SLC2A14: variants seen among roughly 807,000 people sequenced by gnomAD.
The protein encoded by SLC2A14 is solute carrier family 2 member 14, also known as solute carrier family 2, facilitated glucose transporter member 14.
In SLC2A14, 13 loss-of-function variants were observed where a neutral mutation model predicts 43.0. That is an observed-to-expected ratio of 0.30 (90% CI 0.20 to 0.48). The LOEUF (loss-of-function observed/expected upper bound fraction) is 0.48, where lower values mean the gene tolerates loss of function less well. Ranked by LOEUF, SLC2A14 falls within the 20% of genes least tolerant of loss-of-function variation. The pLI, the probability that SLC2A14 is intolerant of heterozygous loss-of-function variation, is 0.99. For synonymous variants in SLC2A14, 190 were observed against 233.8 expected, an observed-to-expected ratio of 0.81 and a Z score of 1.71; for missense variants, 428 against 620.4, an observed-to-expected ratio of 0.69 and a Z score of 3.29.
At chr12:7,833,781 CAA>C (rs35210860) in intron 2 of SLC2A14, among the ~76,000 whole-genome samples, 5 of 105,966 alleles carry the variant, frequency 4.7e-5, no homozygotes, top group South Asian at 3.3e-4. Flanking sequence ...GACTCTGTCT[CAA>C]AAAAAAAAAA....
intron 2 of SLC2A14, among the ~76,000 whole-genome samples, chr12:7,841,233 G>C (rs1396755208): frequency 1.3e-5 from 2 of 152,072 alleles, no homozygotes; most frequent in African/African-American, 4.8e-5. Context: ...ATTTGCATTA[G>C]TGTGATACAT....
chr12:7,820,171 T>C (rs1303759897), intron 8 of SLC2A14, among the ~76,000 whole-genome samples: 1 of 122,390 alleles, frequency 8.2e-6, no homozygotes, highest in Non-Finnish European at 1.7e-5. Flanking sequence ...GTGCTAGGAG[T>C]GCACCCCAAC....
chr12:7,852,483 A>C (rs1867018935), intron 2 of SLC2A14, among the ~76,000 whole-genome samples: 1 of 152,152 alleles, frequency 6.6e-6, no homozygotes, highest in Non-Finnish European at 1.5e-5. Context: ...TATTTCAGTA[A>C]GTTTAAAACT....
At chr12:7,825,734 C>T (rs774646015) in intron 7 of SLC2A14, among the ~76,000 whole-genome samples, 1 of 135,054 alleles carries the variant, frequency 7.4e-6, no homozygotes, top group East Asian at 2.2e-4. Flanking sequence ...TGCACTCTAG[C>T]CTGGGTGACA....
intron 2 of SLC2A14, among the ~76,000 whole-genome samples, chr12:7,847,761 TG>T (rs1192203013): frequency 6.6e-6 from 1 of 151,990 alleles, no homozygotes; most frequent in African/African-American, 2.4e-5. Context: ...GAAAGCCAGC[TG>T]GTAGAGAGAA....
intron 3 of SLC2A14, among the ~76,000 whole-genome samples, chr12:7,832,224 C>T (rs1326844391): frequency 6.6e-6 from 1 of 152,250 alleles, no homozygotes; most frequent in Middle Eastern, 3.4e-3. Flanking sequence ...TGTTAACTCT[C>T]CCTGGAATAG....
intron 1 of SLC2A14, among the ~76,000 whole-genome samples, chr12:7,886,233 C>A (rs1271791105): frequency 7.2e-6 from 1 of 139,022 alleles, no homozygotes; most frequent in Non-Finnish European, 1.5e-5. Context: ...GCAATCATGG[C>A]TCACTGAAGC....
At chr12:7,858,732 C>G (rs1592271267) in intron 2 of SLC2A14, among the ~76,000 whole-genome samples, 1 of 152,124 alleles carries the variant, frequency 6.6e-6, no homozygotes, top group Non-Finnish European at 1.5e-5. Context: ...CTCCCAACCT[C>G]AGGTGATCTG....
chr12:7,882,899 AAAAG>A (rs1945612711), intron 1 of SLC2A14, among the ~76,000 whole-genome samples: 1 of 151,788 alleles, frequency 6.6e-6, no homozygotes, highest in Admixed American at 6.6e-5. Flanking sequence ...TTAAAAAAAA[AAAAG>A]GACTAAGACT....
intron 1 of SLC2A14, among the ~76,000 whole-genome samples, chr12:7,879,817 C>G (rs1945534426): frequency 6.6e-6 from 1 of 151,930 alleles, no homozygotes; most frequent in South Asian, 2.1e-4. Flanking sequence ...CCAGCCTGGC[C>G]AACATGGTGA....
At chr12:7,881,396 G>A (rs1218868508) in intron 1 of SLC2A14, among the ~76,000 whole-genome samples, 1 of 151,920 alleles carries the variant, frequency 6.6e-6, no homozygotes, top group East Asian at 1.9e-4. Context: ...GGCCCTGGTG[G>A]CCCCGGGCAA....
intron 3 of SLC2A14, among the ~76,000 whole-genome samples, 163 bp from the exon 4 acceptor site, chr12:7,831,927 G>A (rs1865067314): frequency 6.6e-6 from 1 of 152,190 alleles, no homozygotes; most frequent in Admixed American, 6.5e-5. Flanking sequence ...TGACCAACAT[G>A]GTGAAACCCC....
chr12:7,837,427 G>T (rs942865697), intron 2 of SLC2A14, among the ~76,000 whole-genome samples: 1 of 151,994 alleles, frequency 6.6e-6, no homozygotes. Context: ...ATCACCTGAA[G>T]TTGGGAGTTC....
chr12:7,874,959 TATAAA>T (rs1471620165), upstream of SLC2A14, among the ~76,000 whole-genome samples: 259 of 14,094 alleles, frequency 0.018, 2 homozygotes, highest in Middle Eastern at 0.25. Context: ...TATATTTATA[TATAAA>T]TTATATATAA....
At chr12:7,861,074 G>A (rs932938223) in intron 2 of SLC2A14, among the ~76,000 whole-genome samples, 1 of 152,102 alleles carries the variant, frequency 6.6e-6, no homozygotes, top group Non-Finnish European at 1.5e-5. Flanking sequence ...TTACAGGCGT[G>A]AGCCACCTCG....
chr12:7,866,410 G>T (rs1166538518), intron 2 of SLC2A14, among the ~76,000 whole-genome samples: 1 of 151,874 alleles, frequency 6.6e-6, no homozygotes, highest in East Asian at 1.9e-4. Context: ...GCCTAGGCTG[G>T]AGTGAGTGCA....
At chr12:7,861,083 C>T (rs7300785) in intron 2 of SLC2A14, among the ~76,000 whole-genome samples, 60,520 of 151,822 alleles carry the variant, frequency 0.4, 12,260 homozygotes, top group East Asian at 0.56. Context: ...TGAGCCACCT[C>T]GCCCGGCATC....
Position 7,869,952 on chromosome 12 carries a change from T to G in SLC2A14, c.-57-15A>C, listed in dbSNP as rs1592311864. The G allele has an allele frequency of 2.0e-6, 3 of 1,491,820 alleles. No individual in the cohort carries two copies. The East Asian group carries it at 7.4e-5, about 37-fold the overall frequency. 92.4% of individuals were successfully genotyped at this position (1,491,820 alleles called of 1,614,324 possible). A position where few individuals can be genotyped will look rare whatever the true frequency, so the allele number is the denominator to read the frequency against. On this transcript the variant is annotated splice_polypyrimidine_tract_variant and intron_variant, in intron 1 of 10. Coordinates refer to ENST00000431042, the MANE Select transcript of SLC2A14 (RefSeq NM_001286234.2). ...GGTACTGCTTCCTGTAAATTGTAATTGTCTAGTTATTCATTTACTCCATCT... is the reference window on the plus strand; with the variant it reads ...GGTACTGCTTCCTGTAAATTGTAATGGTCTAGTTATTCATTTACTCCATCT...
chr12:7,817,356 C>T (rs1863539973), intron 10 of SLC2A14, among the ~76,000 whole-genome samples: 1 of 152,098 alleles, frequency 6.6e-6, no homozygotes. Context: ...CTCAGGTGAT[C>T]TGCCTGCCTC....
Sources: gnomAD v4.1 joint callset for allele counts (sites outside exome capture counted in the v4.1 genomes callset) on GRCh38, gnomAD v4.1.1 for gene constraint, MANE v1.5 for transcripts, NCBI Gene and HGNC (gene_info 2026-07-23, HGNC 2026-07-21) for gene names.